The following SLC24A2 variants were observed in gnomAD, a reference collection of about 807,000 sequenced individuals.
The protein encoded by SLC24A2 is sodium/potassium/calcium exchanger 2.
SLC24A2 carries 36 observed loss-of-function variants against 62.0 expected under a neutral mutation model. The observed-to-expected ratio is 0.58, with a 90% confidence interval of 0.44 to 0.77. SLC24A2 has a LOEUF of 0.77. Ranked by LOEUF, SLC24A2 falls within the 30% of genes least tolerant of loss-of-function variation. SLC24A2 has a pLI of 0.00. For synonymous variants in SLC24A2, 358 were observed against 294.0 expected (o/e 1.22, Z -2.23); for missense variants, 846 against 817.9 (o/e 1.03, Z -0.42).
At chr9:19,985,356 G>A in the SLC24A2 span, among the ~76,000 whole-genome samples, 1 of 151,974 alleles carries the variant, frequency 6.6e-6, no homozygotes. Flanking sequence ...ACAAGGGATT[G>A]GATAAACAAA....
chr9:19,665,480 A>C (rs908610239), intron 2 of SLC24A2, among the ~76,000 whole-genome samples: 1 of 152,052 alleles, frequency 6.6e-6, no homozygotes, highest in East Asian at 1.9e-4. Context: ...AACCTAATAG[A>C]CTTCAATTGA....
chr9:19,768,685 CT>C (rs1278157157), intron 2 of SLC24A2, among the ~76,000 whole-genome samples: 15 of 152,206 alleles, frequency 9.9e-5, no homozygotes, highest in African/African-American at 3.4e-4. Flanking sequence ...CAGCACTCAA[CT>C]TAAACTCATG....
intron 2 of SLC24A2, among the ~76,000 whole-genome samples, chr9:19,736,706 G>A (rs1451992967): frequency 1.3e-5 from 2 of 152,044 alleles, no homozygotes; most frequent in African/African-American, 2.4e-5. Flanking sequence ...AATAAAACTA[G>A]CCAAGTGTGG....
At chr9:19,915,613 T>G in the SLC24A2 span, among the ~76,000 whole-genome samples, 6 of 152,130 alleles carry the variant, frequency 3.9e-5, no homozygotes, top group African/African-American at 9.6e-5. Context: ...GGCTTATTAT[T>G]ATGATGATGA....
the SLC24A2 span, among the ~76,000 whole-genome samples, chr9:19,944,079 AG>A: frequency 6.6e-6 from 1 of 152,202 alleles, no homozygotes; most frequent in Non-Finnish European, 1.5e-5. Flanking sequence ...ATGGACATAA[AG>A]ATGGCAACAA....
the SLC24A2 span, among the ~76,000 whole-genome samples, chr9:19,966,222 G>A: frequency 1.3e-5 from 2 of 152,112 alleles, no homozygotes; most frequent in Admixed American, 6.5e-5. Context: ...ATATTTTTGT[G>A]TATTTAAGGG....
chr9:19,651,656 G>A (rs1818805425), intron 2 of SLC24A2, among the ~76,000 whole-genome samples: 1 of 152,092 alleles, frequency 6.6e-6, no homozygotes, highest in Non-Finnish European at 1.5e-5. Flanking sequence ...AGGTCAAAAG[G>A]CAAAACAAAA....
At chr9:20,168,574 A>G in the SLC24A2 span, among the ~76,000 whole-genome samples, 1 of 152,076 alleles carries the variant, frequency 6.6e-6, no homozygotes, top group Non-Finnish European at 1.5e-5. Flanking sequence ...AAAAAGATAT[A>G]TAAATAGCCA....
intron 2 of SLC24A2, among the ~76,000 whole-genome samples, chr9:19,772,410 G>A (rs1434797178): frequency 6.6e-6 from 1 of 152,182 alleles, no homozygotes; most frequent in Non-Finnish European, 1.5e-5. Flanking sequence ...AGGAGCTGCT[G>A]TATCTATGGA....
chr9:19,871,874 A>C, the SLC24A2 span, among the ~76,000 whole-genome samples: 2 of 152,126 alleles, frequency 1.3e-5, no homozygotes, highest in African/African-American at 4.8e-5. Context: ...ACATATGCAA[A>C]ATTTTCTTAT....
At chr9:20,268,324 G>C in the SLC24A2 span, among the ~76,000 whole-genome samples, 1 of 152,136 alleles carries the variant, frequency 6.6e-6, no homozygotes, top group South Asian at 2.1e-4. Flanking sequence ...TGTCTCCTCC[G>C]AAAGTCATGT....
At chr9:19,787,052 T>C in intron 1 of SLC24A2, 33 bp from the exon 2 acceptor site, 1 of 1,352,102 alleles carries the variant, frequency 7.4e-7, no homozygotes, top group South Asian at 1.9e-5. Flanking sequence ...AATAAGTAAA[T>C]CATAAAATCA....
At chr9:20,019,312 A>AAAGAAAGAAAGT in the SLC24A2 span, among the ~76,000 whole-genome samples, 8 of 141,454 alleles carry the variant, frequency 5.7e-5, no homozygotes, top group African/African-American at 9.1e-5. Flanking sequence ...AGAAAGAAAG[A>AAAGAAAGAAAGT]AAGTGAGTGA....
the SLC24A2 span, among the ~76,000 whole-genome samples, chr9:19,958,336 C>T: frequency 3.3e-5 from 5 of 152,174 alleles, no homozygotes; most frequent in African/African-American, 1.2e-4. Context: ...CAGATACTAA[C>T]GAGGAACACC....
the SLC24A2 span, among the ~76,000 whole-genome samples, chr9:19,973,815 T>C: frequency 4.6e-5 from 7 of 152,226 alleles, no homozygotes; most frequent in Admixed American, 3.3e-4. Context: ...TGTTTAAAAT[T>C]GTTTAGTTAT....
At chr9:19,731,516 C>CTCTCCGTGTGTGTGT (rs72153360) in intron 2 of SLC24A2, among the ~76,000 whole-genome samples, 244 of 113,816 alleles carry the variant, frequency 2.1e-3, no homozygotes, top group Admixed American at 4.8e-3. Context: ...TCTCTCTCTC[C>CTCTCCGTGTGTGTGT]GTGTGTGTGT....
the SLC24A2 span, among the ~76,000 whole-genome samples, chr9:20,106,330 A>C: frequency 0.015 from 2,332 of 152,212 alleles, 77 homozygotes; most frequent in African/African-American, 0.053. Flanking sequence ...AAGAGGGAAT[A>C]CTCCCTAACT....
chr9:20,217,993 T>G, the SLC24A2 span, among the ~76,000 whole-genome samples: 5 of 152,220 alleles, frequency 3.3e-5, no homozygotes, highest in Non-Finnish European at 1.5e-5. Context: ...CCAGCTTCAT[T>G]TCTGGCTTTA....
the SLC24A2 span, among the ~76,000 whole-genome samples, chr9:19,864,673 A>T: frequency 6.6e-6 from 1 of 152,078 alleles, no homozygotes; most frequent in Non-Finnish European, 1.5e-5. Flanking sequence ...AACTGGGTAT[A>T]GAAGGAACAT....
Sources: gnomAD v4.1 joint callset for allele counts (sites outside exome capture counted in the v4.1 genomes callset) on GRCh38, gnomAD v4.1.1 for gene constraint, MANE v1.5 for transcripts, NCBI Gene and HGNC (gene_info 2026-07-23, HGNC 2026-07-21) for gene names.